Variants in SGCZ observed in about 807,000 individuals in gnomAD.
The protein encoded by SGCZ is zeta-sarcoglycan.
SGCZ carries 40 observed loss-of-function variants against 41.3 expected under a neutral mutation model. The ratio of observed to expected loss-of-function variants is 0.97; its 90% CI spans 0.75 to 1.26. SGCZ has a LOEUF of 1.26. SGCZ is among the 50% of genes most tolerant of loss of function. SGCZ has a pLI of 0.00. For synonymous variants in SGCZ, 206 were observed against 137.5 expected, an observed-to-expected ratio of 1.50 and a Z score of -3.49; for missense variants, 552 against 369.8, an observed-to-expected ratio of 1.49 and a Z score of -4.04.
chr8:14,432,183 T>C (rs1799961758), intron 2 of SGCZ, among the ~76,000 whole-genome samples: 1 of 152,174 alleles, frequency 6.6e-6, no homozygotes, highest in Admixed American at 6.5e-5. Flanking sequence ...CTACTGGGTA[T>C]CTACCCAGAG....
chr8:14,645,613 A>G (rs758655166), intron 1 of SGCZ, among the ~76,000 whole-genome samples: 28 of 151,240 alleles, frequency 1.9e-4, no homozygotes, highest in Non-Finnish European at 4.0e-4. Flanking sequence ...CATCAGATTG[A>G]AAATGATCTT....
At chr8:14,759,168 C>T (rs113480347) in intron 1 of SGCZ, among the ~76,000 whole-genome samples, 4 of 151,734 alleles carry the variant, frequency 2.6e-5, no homozygotes, top group Admixed American at 6.6e-5. Flanking sequence ...ATTTATATTA[C>T]GAAAACACAA....
intron 4 of SGCZ, among the ~76,000 whole-genome samples, chr8:14,219,989 T>C (rs1806136372): frequency 6.6e-6 from 1 of 152,198 alleles, no homozygotes; most frequent in South Asian, 2.1e-4. Flanking sequence ...AATGTGTTGA[T>C]TGTAATGGTT....
chr8:15,115,204 T>C (rs1807222530), intron 1 of SGCZ, among the ~76,000 whole-genome samples: 1 of 152,212 alleles, frequency 6.6e-6, no homozygotes, highest in African/African-American at 2.4e-5. Flanking sequence ...CTGCCTTCTT[T>C]ACACATGCCT....
At chr8:14,739,791 A>T (rs1461614020) in intron 1 of SGCZ, among the ~76,000 whole-genome samples, 1 of 152,080 alleles carries the variant, frequency 6.6e-6, no homozygotes, top group African/African-American at 2.4e-5. Context: ...TGTGAACACT[A>T]TGCATATTCC....
chr8:14,178,762 T>C (rs1804631137), intron 4 of SGCZ, among the ~76,000 whole-genome samples: 1 of 152,242 alleles, frequency 6.6e-6, no homozygotes, highest in Admixed American at 6.5e-5. Context: ...TCATGAATAA[T>C]ACAGATAAAC....
intron 2 of SGCZ, among the ~76,000 whole-genome samples, chr8:14,414,134 G>T (rs2117285317): frequency 6.6e-6 from 1 of 152,002 alleles, no homozygotes; most frequent in East Asian, 1.9e-4. Flanking sequence ...GAATTTAAGA[G>T]ATTAGAAAAA....
chr8:14,115,766 A>G (rs1406038892), intron 5 of SGCZ, among the ~76,000 whole-genome samples: 1 of 151,316 alleles, frequency 6.6e-6, no homozygotes, highest in African/African-American at 2.4e-5. Flanking sequence ...GAAATCTCCC[A>G]TCAGTTACAC....
At chr8:14,702,463 C>G (rs1563212442) in intron 1 of SGCZ, among the ~76,000 whole-genome samples, 1 of 151,840 alleles carries the variant, frequency 6.6e-6, no homozygotes, top group Non-Finnish European at 1.5e-5. Context: ...TCCCTCCAGC[C>G]AAAGCTCTGC....
At chr8:15,216,701 T>C (rs1303479784) in intron 1 of SGCZ, among the ~76,000 whole-genome samples, 1 of 152,148 alleles carries the variant, frequency 6.6e-6, no homozygotes, top group African/African-American at 2.4e-5. Context: ...TGGAATCTTC[T>C]AAAGGGCAAG....
intron 2 of SGCZ, among the ~76,000 whole-genome samples, chr8:14,443,511 T>A (rs538472045): frequency 6.6e-6 from 1 of 151,962 alleles, no homozygotes; most frequent in Non-Finnish European, 1.5e-5. Flanking sequence ...ACACCGCATA[T>A]CTACAACTAT....
chr8:15,083,573 C>G (rs536962466), intron 1 of SGCZ, among the ~76,000 whole-genome samples: 25 of 151,986 alleles, frequency 1.6e-4, no homozygotes, highest in Middle Eastern at 3.4e-3. Flanking sequence ...TTATTAGAGA[C>G]AGTATCTCAT....
At chr8:15,092,233 T>A (rs1806179915) in intron 1 of SGCZ, among the ~76,000 whole-genome samples, 1 of 152,210 alleles carries the variant, frequency 6.6e-6, no homozygotes, top group Non-Finnish European at 1.5e-5. Flanking sequence ...AGTTTAGCTA[T>A]CTGCTTCACT....
At chr8:15,022,157 T>A (rs186307190) in intron 1 of SGCZ, among the ~76,000 whole-genome samples, 1 of 152,306 alleles carries the variant, frequency 6.6e-6, no homozygotes, top group African/African-American at 2.4e-5. Flanking sequence ...TTTATATGAA[T>A]TTCATATAAA....
chr8:15,196,787 T>A (rs1374565977), intron 1 of SGCZ, among the ~76,000 whole-genome samples: 2 of 152,224 alleles, frequency 1.3e-5, no homozygotes, highest in Non-Finnish European at 2.9e-5. Flanking sequence ...TTCTCATAAT[T>A]CTATGGGCTG....
At chr8:14,765,395 C>T (rs2130370981) in intron 1 of SGCZ, among the ~76,000 whole-genome samples, 1 of 152,274 alleles carries the variant, frequency 6.6e-6, no homozygotes, top group South Asian at 2.1e-4. Context: ...TATAAAACAT[C>T]TTATTTTCTC....
chr8:14,366,937 A>C (rs1211521651), intron 2 of SGCZ, among the ~76,000 whole-genome samples: 2 of 152,114 alleles, frequency 1.3e-5, no homozygotes, highest in Non-Finnish European at 2.9e-5. Flanking sequence ...ACGTCTTGGA[A>C]GTTAACATTT....
intron 1 of SGCZ, among the ~76,000 whole-genome samples, chr8:14,984,103 T>C (rs534291244): frequency 6.6e-5 from 10 of 152,244 alleles, no homozygotes; most frequent in African/African-American, 2.4e-4. Flanking sequence ...TTACAGAAAA[T>C]ACAACCACAC....
At chr8:14,106,030 C>T (rs943916928) in intron 6 of SGCZ, among the ~76,000 whole-genome samples, 1 of 152,146 alleles carries the variant, frequency 6.6e-6, no homozygotes, top group Non-Finnish European at 1.5e-5. Context: ...AAATTGGAAT[C>T]AATGCTCTTC....
Sources: allele counts gnomAD v4.1 joint callset (sites outside exome capture counted in the v4.1 genomes callset), GRCh38; gene constraint gnomAD v4.1.1; transcripts MANE v1.5; gene names NCBI Gene and HGNC (gene_info 2026-07-23, HGNC 2026-07-21).